Variants in DDR2 observed in about 807,000 individuals in gnomAD.
DDR2 encodes discoidin domain-containing receptor 2.
In DDR2, 27 loss-of-function variants were observed where a neutral mutation model predicts 94.9. That is an observed-to-expected ratio of 0.28 (90% confidence interval 0.21 to 0.39). DDR2 has a LOEUF of 0.39. Ranked by LOEUF, DDR2 falls within the 10% of genes least tolerant of loss-of-function variation. The pLI is 1.00. For synonymous variants in DDR2, 382 were observed against 377.2 expected, an observed-to-expected ratio of 1.01 and a Z score of -0.15; for missense variants, 783 against 1,076.0, an observed-to-expected ratio of 0.73 and a Z score of 3.81.
rs773962213 is a variant in DDR2, at chr1:162,775,826, C to A, written c.2031C>A (p.Ser677Arg). The change falls in exon 15 of 18, where the codon AGC (serine) becomes AGA (arginine). Residue 677 changes from serine to arginine, a missense_variant. Physicochemically the swap from Ser to Arg is moderately radical, Grantham distance 110. Transcript: ENST00000367921. ...ACGAGCCCCCTAATTCTTCCTCCAG[C>A]GATGTACGCACTGTCAGGTAAACAA... ...SRHEPPNSSSSDVRTVSYTNL... is the reference protein window; with the variant it reads ...SRHEPPNSSSRDVRTVSYTNL... The A allele has an allele frequency of 6.2e-7, 1 of 1,613,982 alleles. No homozygotes were observed. Among genetic ancestry groups the A allele is most frequent in the Admixed American group, 1.7e-5 (1 of 60,010 alleles).
chr1:162,755,851 T>C, intron 7 of DDR2, 82 bp downstream of exon 7: 1 of 1,196,164 alleles, frequency 8.4e-7, no homozygotes, highest in Non-Finnish European at 1.2e-6. Flanking sequence ...GGATCAATAA[T>C]CAATCAACCA....
At chr1:162,732,012 G>A in intron 3 of DDR2, among the ~76,000 whole-genome samples, 1 of 152,128 alleles carries the variant, frequency 6.6e-6, no homozygotes, top group Admixed American at 6.5e-5. Context: ...CACTGTCTTT[G>A]TTAACCAGGA....
At chr1:162,739,330 T>C (rs1662474242) in intron 3 of DDR2, among the ~76,000 whole-genome samples, 1 of 152,162 alleles carries the variant, frequency 6.6e-6, no homozygotes, top group Non-Finnish European at 1.5e-5. Context: ...TTTCTTTTTT[T>C]TTGAGATGGA....
At chr1:162,703,271 A>C (rs1660511598) in intron 2 of DDR2, among the ~76,000 whole-genome samples, 2 of 152,346 alleles carry the variant, frequency 1.3e-5, no homozygotes, top group South Asian at 2.1e-4. Flanking sequence ...AATGAGATAA[A>C]AATAGAGATA....
intron 3 of DDR2, among the ~76,000 whole-genome samples, chr1:162,740,431 C>G (rs1662532439): frequency 6.6e-6 from 1 of 152,162 alleles, no homozygotes; most frequent in Non-Finnish European, 1.5e-5. Flanking sequence ...ACCTCCACAA[C>G]AAGCATGCTT....
At chr1:162,697,424 G>C (rs369286427) in intron 2 of DDR2, among the ~76,000 whole-genome samples, 181 of 152,306 alleles carry the variant, frequency 1.2e-3, no homozygotes, top group African/African-American at 4.1e-3. Context: ...CAAATGTCGG[G>C]TTAGACCTAC....
chr1:162,693,061 C>CA (rs1222419887), intron 2 of DDR2, among the ~76,000 whole-genome samples: 1 of 151,810 alleles, frequency 6.6e-6, no homozygotes, highest in Non-Finnish European at 1.5e-5. Flanking sequence ...CGAAAGGGGC[C>CA]AAACAAAAAA....
chr1:162,666,861 C>T (rs1239662273), intron 2 of DDR2, among the ~76,000 whole-genome samples: 1 of 150,514 alleles, frequency 6.6e-6, no homozygotes, highest in Admixed American at 6.6e-5. Flanking sequence ...GATGTTTATC[C>T]TTCTTGACAT....
At chr1:162,671,624 G>C (rs1313700793) in intron 2 of DDR2, among the ~76,000 whole-genome samples, 1 of 152,076 alleles carries the variant, frequency 6.6e-6, no homozygotes, top group East Asian at 1.9e-4. Context: ...GGCTGCCCCT[G>C]GCTTTGGTTC....
intron 1 of DDR2, among the ~76,000 whole-genome samples, chr1:162,645,600 G>A (rs1190453320): frequency 6.6e-6 from 1 of 152,136 alleles, no homozygotes; most frequent in Non-Finnish European, 1.5e-5. Flanking sequence ...CTCAGGGTCT[G>A]GTCTATGTTT....
chr1:162,636,720 T>A (rs181462486), intron 1 of DDR2, among the ~76,000 whole-genome samples: 3 of 152,158 alleles, frequency 2.0e-5, no homozygotes, highest in Admixed American at 2.0e-4. Context: ...TAAGATAATG[T>A]ATAGGAAACT....
At chr1:162,755,531 A>C in intron 6 of DDR2, 133 bp from the exon 7 acceptor site, 1 of 1,065,536 alleles carries the variant, frequency 9.4e-7, no homozygotes, top group Middle Eastern at 2.9e-4. Context: ...GCACTCCTCC[A>C]AAGTCTTCCC....
Position 162,755,781 on chromosome 1 carries a change from G to T in DDR2, c.671+12G>T, listed in dbSNP as rs1437909804. On this transcript the variant is annotated intron_variant, in intron 7 of 17. Coordinates refer to ENST00000367921, the MANE Select transcript of DDR2 (RefSeq NM_006182.4). ...GCTGTTGGATACAGGTAAATCCTGG[G>T]AAACTTTATTAGAATGGGAAATTGG... The T allele has an allele frequency of 6.2e-7, 1 of 1,610,220 alleles. No individual in the cohort carries two copies. The highest frequency in any genetic ancestry group is 2.2e-5 in the East Asian group (1 of 44,868).
intron 3 of DDR2, among the ~76,000 whole-genome samples, chr1:162,749,080 A>G (rs1663041831): frequency 6.6e-6 from 1 of 152,234 alleles, no homozygotes; most frequent in African/African-American, 2.4e-5. Context: ...ACACTCTAAC[A>G]TCACAATTAA....
intron 3 of DDR2, chr1:162,741,845 T>C (rs764401170): frequency 1.4e-6 from 1 of 704,630 alleles, no homozygotes; most frequent in Non-Finnish European, 1.7e-6. Context: ...ATTAAGTCAC[T>C]GGTGACAAGG....
At chr1:162,761,563 G>A in intron 9 of DDR2, 109 bp downstream of exon 9, 1 of 1,550,340 alleles carries the variant, frequency 6.5e-7, no homozygotes, top group Non-Finnish European at 8.8e-7. Context: ...GGATTGTACA[G>A]GCAGCTTCTC....
At chr1:162,755,032 AGCAGAGTAGAT>A (rs1253791305) in intron 5 of DDR2, 113 bp from the exon 6 acceptor site, 2 of 1,485,330 alleles carry the variant, frequency 1.3e-6, no homozygotes, top group Admixed American at 1.8e-5. Context: ...CTGTGGGGAA[AGCAGAGTAGAT>A]GCATTCTGCT....
intron 17 of DDR2, among the ~76,000 whole-genome samples, chr1:162,779,394 A>G (rs1336565091): frequency 6.6e-6 from 1 of 152,166 alleles, no homozygotes; most frequent in East Asian, 1.9e-4. Flanking sequence ...CACTTCCCCA[A>G]AGGGGCCTGG....
intron 2 of DDR2, among the ~76,000 whole-genome samples, chr1:162,657,124 G>A (rs1463038992): frequency 6.6e-6 from 1 of 151,992 alleles, no homozygotes; most frequent in Non-Finnish European, 1.5e-5. Context: ...ACAGGCGTGA[G>A]CCACCATGCC....
Sources: allele counts gnomAD v4.1 joint callset (sites outside exome capture counted in the v4.1 genomes callset), GRCh38; gene constraint gnomAD v4.1.1; transcripts MANE v1.5; gene names NCBI Gene and HGNC (gene_info 2026-07-23, HGNC 2026-07-21).